The following IL1RAP variants were observed in gnomAD, a reference collection of about 807,000 sequenced individuals.
IL1RAP encodes the protein interleukin 1 receptor accessory protein.
IL1RAP carries 35 observed loss-of-function variants against 60.7 expected under a neutral mutation model. That is an observed-to-expected ratio of 0.58 (90% confidence interval 0.44 to 0.76). The LOEUF (loss-of-function observed/expected upper bound fraction) is 0.76. Ranked by LOEUF, IL1RAP falls within the 30% of genes least tolerant of loss-of-function variation. The pLI, the probability that IL1RAP is intolerant of heterozygous loss-of-function variation, is 0.00. For missense variants in IL1RAP, 572 were observed against 693.9 expected (o/e 0.82, Z 1.97); for synonymous variants, 268 against 250.9 (o/e 1.07, Z -0.64).
chr3:190,529,857 CA>C (rs56743516), intron 1 of IL1RAP, among the ~76,000 whole-genome samples: 1,004 of 75,940 alleles, frequency 0.013, 9 homozygotes, highest in East Asian at 0.07. Context: ...GACTCTGACT[CA>C]AAAAAAAAAA....
chr3:190,583,846 T>C (rs1161482772), intron 3 of IL1RAP, among the ~76,000 whole-genome samples: 3 of 152,238 alleles, frequency 2.0e-5, no homozygotes, highest in Non-Finnish European at 1.5e-5. Flanking sequence ...AAGCCAAGTC[T>C]CTAAACAAGA....
chr3:190,603,686 AATTTCTATTGGAC>A (rs1485528370), intron 3 of IL1RAP, among the ~76,000 whole-genome samples: 4 of 152,170 alleles, frequency 2.6e-5, no homozygotes, highest in Non-Finnish European at 5.9e-5. Flanking sequence ...GTTGCATTAT[AATTTCTATTGGAC>A]ATTGCAGATC....
At chr3:190,528,990 G>C (rs750197141) in intron 1 of IL1RAP, among the ~76,000 whole-genome samples, 5 of 152,214 alleles carry the variant, frequency 3.3e-5, no homozygotes, top group Non-Finnish European at 5.9e-5. Context: ...TTTGGGAGAT[G>C]AGAGAACAGT....
At chr3:190,581,652 T>G (rs1728006374) in intron 3 of IL1RAP, among the ~76,000 whole-genome samples, 1 of 152,240 alleles carries the variant, frequency 6.6e-6, no homozygotes, top group Non-Finnish European at 1.5e-5. Flanking sequence ...GGTCCTATGA[T>G]TCTCTGCCAC....
At chr3:190,619,197 T>A (rs1376098797) in intron 5 of IL1RAP, among the ~76,000 whole-genome samples, 1 of 152,172 alleles carries the variant, frequency 6.6e-6, no homozygotes, top group Non-Finnish European at 1.5e-5. Flanking sequence ...GTGTATTGAT[T>A]TTTTTTCTCA....
In IL1RAP at chr3:190,651,493, A is replaced by G; in HGVS notation, c.*2788A>G. The G allele has an allele frequency of 2.2e-6, 1 of 458,818 alleles. No individual in the cohort carries two copies. Among genetic ancestry groups the G allele is most frequent in the Non-Finnish European group, 2.9e-6 (1 of 349,078 alleles). 28.4% of individuals were successfully genotyped at this position (458,818 alleles called of 1,614,324 possible). A position where few individuals can be genotyped will look rare whatever the true frequency, so the allele number is the denominator to read the frequency against. ...GTAAATTTACTTATGTTAAAAATAAACCATTTATTTTCAGCTTTGAATTTT... is the reference window on the plus strand; with the variant it reads ...GTAAATTTACTTATGTTAAAAATAAGCCATTTATTTTCAGCTTTGAATTTT... On this transcript the variant is annotated 3_prime_UTR_variant, in exon 12 of 12. Coordinates refer to ENST00000447382, the MANE Select transcript of IL1RAP (RefSeq NM_002182.4).
chr3:190,588,392 G>A (rs1253609659), intron 3 of IL1RAP, among the ~76,000 whole-genome samples: 2 of 152,212 alleles, frequency 1.3e-5, no homozygotes, highest in East Asian at 1.9e-4. Flanking sequence ...GATTACAGGC[G>A]TGAGCCACCA....
chr3:190,582,680 C>T (rs1728110365), intron 3 of IL1RAP, among the ~76,000 whole-genome samples: 2 of 152,172 alleles, frequency 1.3e-5, no homozygotes, highest in Admixed American at 1.3e-4. Flanking sequence ...TTACTCTCTA[C>T]AGTCCATTCT....
Position 190,587,651 on chromosome 3 carries a change from G to A in IL1RAP, c.65-16477G>A, listed in dbSNP as rs143687663. Among the ~76,000 whole-genome samples the A allele has an allele frequency of 2.9e-3, 438 of 152,340 alleles. 2 individuals are homozygous for A. Among genetic ancestry groups the A allele is most frequent in the African/African-American group, 8.4e-3 (348 of 41,572 alleles). On this transcript the variant is annotated intron_variant, in intron 3 of 11. Transcript: ENST00000447382. ...CAAAGAAAGGATCAGTAGCGAGTTTGCTGTAGCACAGAAGGAAAAGAAAAC... is the reference window on the plus strand; with the variant it reads ...CAAAGAAAGGATCAGTAGCGAGTTTACTGTAGCACAGAAGGAAAAGAAAAC...
chr3:190,650,185 G>A lies in IL1RAP; in HGVS notation c.*1480G>A. 2 of 984,236 alleles carry A rather than the reference G, an allele frequency of 2.0e-6. No homozygotes were observed. The highest frequency in any genetic ancestry group is 2.4e-6 in the Non-Finnish European group (2 of 828,914). 61.0% of individuals were successfully genotyped at this position (984,236 alleles called of 1,614,324 possible). Reference sequence around the variant, plus strand: ...TTTTAAATTATGTTTTTACTGGAATGTTTTTGTGTCAGTGTTTTCTGTACA... The same window carrying A: ...TTTTAAATTATGTTTTTACTGGAATATTTTTGTGTCAGTGTTTTCTGTACA... On this transcript the variant is annotated 3_prime_UTR_variant, in exon 12 of 12. Coordinates refer to ENST00000447382, the MANE Select transcript of IL1RAP (RefSeq NM_002182.4).
chr3:190,557,479 A>G (rs1725523397), intron 2 of IL1RAP, among the ~76,000 whole-genome samples: 1 of 152,178 alleles, frequency 6.6e-6, no homozygotes. Context: ...AAAAAGGGAG[A>G]AGGCAGTATC....
At chr3:190,524,136 C>T (rs1383786585) in intron 1 of IL1RAP, among the ~76,000 whole-genome samples, 2 of 151,904 alleles carry the variant, frequency 1.3e-5, no homozygotes, top group Non-Finnish European at 2.9e-5. Flanking sequence ...TATTCATATG[C>T]TTGCTGGTTT....
intron 3 of IL1RAP, among the ~76,000 whole-genome samples, chr3:190,571,645 C>G (rs1056959200): frequency 6.6e-6 from 1 of 152,076 alleles, no homozygotes; most frequent in South Asian, 2.1e-4. Context: ...TGTGGAATGA[C>G]TAAATCTAGC....
Position 190,568,336 on chromosome 3 carries a change from C to T in IL1RAP, c.64+3983C>T, listed in dbSNP as rs373365545. On this transcript the variant is annotated intron_variant, in intron 3 of 11. Transcript: ENST00000447382. The stretch of plus-strand genomic sequence containing the variant: ...AGGTGGCCCAAGTGCTCATGATAGC[C>T]TGGCTTGCCTGATAGAGCCAGGCTG... 8.5e-5 allele frequency among the ~76,000 whole-genome samples: 13 copies of T among 152,308 alleles called. 1 individual carries two copies. The highest frequency in any genetic ancestry group is 3.1e-4 in the African/African-American group (13 of 41,568).
chr3:190,535,998 A>G (rs925316789), intron 1 of IL1RAP, among the ~76,000 whole-genome samples: 1 of 152,220 alleles, frequency 6.6e-6, no homozygotes, highest in Non-Finnish European at 1.5e-5. Context: ...GATTTTGAAC[A>G]TGAATTATTT....
chr3:190,659,246 A>G (rs1734706068), exon 12 of IL1RAP: 1 of 152,226 alleles, frequency 6.6e-6, no homozygotes, highest in South Asian at 2.1e-4. Context: ...AGAGTCATGG[A>G]AAATTAAATA....
intron 3 of IL1RAP, among the ~76,000 whole-genome samples, chr3:190,583,260 A>T (rs1436056975): frequency 6.6e-6 from 1 of 152,252 alleles, no homozygotes; most frequent in African/African-American, 2.4e-5. Context: ...TTTTATGTGT[A>T]GCAAAGCCTT....
chr3:190,657,509 C>T lies in IL1RAP; in HGVS notation c.*902C>T, dbSNP rs565620354. 2 of 152,252 alleles carry T rather than the reference C, an allele frequency of 1.3e-5. 1 individual carries two copies. Among genetic ancestry groups the T allele is most frequent in the South Asian group, 4.1e-4 (2 of 4,824 alleles). 9.4% of individuals were successfully genotyped at this position (152,252 alleles called of 1,614,324 possible). A position where few individuals can be genotyped will look rare whatever the true frequency, so the allele number is the denominator to read the frequency against. ...AATAGGTGCCTTCGTCCCATTCAGG[C>T]TTCTGAGAAGGGATAATAAATTCAA... On this transcript the variant is annotated 3_prime_UTR_variant, in exon 12 of 12. Transcript: ENST00000317757.
chr3:190,588,826 A>C (rs1728695029), intron 3 of IL1RAP, among the ~76,000 whole-genome samples: 1 of 152,230 alleles, frequency 6.6e-6, no homozygotes, highest in Non-Finnish European at 1.5e-5. Context: ...ATAGTAAGTC[A>C]ATAAGCTCAA....
Sources: gnomAD v4.1 joint callset for allele counts (sites outside exome capture counted in the v4.1 genomes callset) on GRCh38, gnomAD v4.1.1 for gene constraint, MANE v1.5 for transcripts, NCBI Gene and HGNC (gene_info 2026-07-23, HGNC 2026-07-21) for gene names.